The following NRG1 variants were observed in gnomAD, a reference collection of about 807,000 sequenced individuals.
NRG1 encodes the protein pro-neuregulin-1, membrane-bound isoform.
Under a neutral mutation model 63.8 loss-of-function variants are expected in NRG1, and 18 were observed. The observed-to-expected ratio is 0.28, with a 90% CI of 0.19 to 0.42. The LOEUF is 0.42. Ranked by LOEUF, NRG1 falls within the 10% of genes least tolerant of loss-of-function variation. The probability of loss-of-function intolerance (pLI) is 1.00; values close to 1 mark genes in which losing one functional copy is unlikely to be tolerated. For missense variants in NRG1, 762 were observed against 814.7 expected (o/e 0.94, Z 0.79); for synonymous variants, 302 against 301.3 (o/e 1.00, Z -0.02).
chr8:32,058,123 A>C (rs917818864), intron 1 of NRG1, among the ~76,000 whole-genome samples: 2 of 152,124 alleles, frequency 1.3e-5, no homozygotes, highest in African/African-American at 4.8e-5. Flanking sequence ...ATGTACAACT[A>C]TTAAGTATCA....
chr8:32,541,086 T>C (rs1832529299), intron 1 of NRG1, among the ~76,000 whole-genome samples: 1 of 152,108 alleles, frequency 6.6e-6, no homozygotes, highest in African/African-American at 2.4e-5. Context: ...CCCAAACATA[T>C]AGTGTGTTGA....
intron 1 of NRG1, among the ~76,000 whole-genome samples, chr8:32,251,152 C>CA (rs1209598484): frequency 3.3e-5 from 5 of 151,922 alleles, no homozygotes; most frequent in African/African-American, 1.2e-4. Context: ...TGGTTTGTTG[C>CA]ACCCATCAAC....
intron 1 of NRG1, among the ~76,000 whole-genome samples, chr8:32,312,569 G>A (rs1856942754): frequency 6.6e-6 from 1 of 151,964 alleles, no homozygotes; most frequent in African/African-American, 2.4e-5. Flanking sequence ...CCACAAGGGA[G>A]GTGAGGTTTG....
At chr8:31,839,389 C>A (rs1196435458) in intron 1 of NRG1, among the ~76,000 whole-genome samples, 2 of 152,030 alleles carry the variant, frequency 1.3e-5, no homozygotes, top group East Asian at 3.9e-4. Flanking sequence ...AAAATATTTT[C>A]TTCATTGTTA....
intron 1 of NRG1, among the ~76,000 whole-genome samples, chr8:32,575,506 A>C (rs1197016417): frequency 6.6e-6 from 1 of 152,086 alleles, no homozygotes. Flanking sequence ...TGAGTAAAGG[A>C]AAAGTTGTAT....
At chr8:32,288,031 T>G (rs745664741) in intron 1 of NRG1, among the ~76,000 whole-genome samples, 13 of 152,218 alleles carry the variant, frequency 8.5e-5, no homozygotes, top group Non-Finnish European at 1.9e-4. Context: ...TGGCTTGTGC[T>G]AATGTACTAG....
intron 1 of NRG1, among the ~76,000 whole-genome samples, chr8:32,581,532 C>T (rs960977733): frequency 1.3e-5 from 2 of 152,110 alleles, no homozygotes; most frequent in African/African-American, 4.8e-5. Context: ...ATAAAAGATG[C>T]ATTAAAAGAA....
intron 1 of NRG1, among the ~76,000 whole-genome samples, chr8:32,222,678 C>T (rs1845945335): frequency 6.6e-6 from 1 of 152,120 alleles, no homozygotes; most frequent in Admixed American, 6.5e-5. Context: ...TAATTTTTCC[C>T]CCACTGTCAC....
At chr8:31,852,552 T>C (rs1042194540) in intron 1 of NRG1, among the ~76,000 whole-genome samples, 17 of 151,856 alleles carry the variant, frequency 1.1e-4, no homozygotes, top group Non-Finnish European at 2.1e-4. Flanking sequence ...TCTCCCATTT[T>C]GTAGGTTGCC....
At chr8:32,006,286 G>T (rs1391794111) in intron 1 of NRG1, among the ~76,000 whole-genome samples, 1 of 151,998 alleles carries the variant, frequency 6.6e-6, no homozygotes, top group Non-Finnish European at 1.5e-5. Context: ...CTGGCCAAAA[G>T]GTCATTATTG....
intron 5 of NRG1, among the ~76,000 whole-genome samples, chr8:32,696,065 C>A: frequency 6.6e-6 from 1 of 152,216 alleles, no homozygotes; most frequent in East Asian, 1.9e-4. Flanking sequence ...CTCTTCCCCT[C>A]TTCACCCCCA....
At chr8:32,467,446 G>A (rs1048888424) in intron 1 of NRG1, among the ~76,000 whole-genome samples, 1 of 152,144 alleles carries the variant, frequency 6.6e-6, no homozygotes, top group African/African-American at 2.4e-5. Context: ...CATCTCCTGA[G>A]TTCTGCAATA....
intron 1 of NRG1, among the ~76,000 whole-genome samples, chr8:32,079,513 A>T (rs986760321): frequency 6.6e-6 from 1 of 152,200 alleles, no homozygotes; most frequent in African/African-American, 2.4e-5. Context: ...CAAGACACGA[A>T]TTCAAGTTTC....
In NRG1 at chr8:32,605,559, T is replaced by C. The variant is rs370666726; in HGVS notation, c.279-3T>C. The C allele has an allele frequency of 3.7e-5, 59 of 1,612,964 alleles. No homozygotes were observed. Among genetic ancestry groups the C allele is most frequent in the Non-Finnish European group, 4.5e-5 (53 of 1,179,306 alleles). On this transcript the variant is annotated splice_region_variant and splice_polypyrimidine_tract_variant and intron_variant, in intron 2 of 11. Coordinates refer to ENST00000356819, the Ensembl canonical transcript of NRG1. ...TGACACCACTTTGGTCCTGATCTTA[T>C]AGGAAGTCAGAACTTCGCATTAACA... is the stretch of plus-strand genomic sequence containing the variant.
At chr8:31,692,042 A>G (rs537459120) in intron 1 of NRG1, among the ~76,000 whole-genome samples, 1 of 152,278 alleles carries the variant, frequency 6.6e-6, no homozygotes, top group Admixed American at 6.5e-5. Context: ...TATGTTGCCC[A>G]GGCTGGTCTC....
chr8:31,721,986 G>T (rs867937703), intron 1 of NRG1, among the ~76,000 whole-genome samples: 2 of 151,966 alleles, frequency 1.3e-5, no homozygotes, highest in African/African-American at 2.4e-5. Context: ...TCAGGTTTCT[G>T]CACCTTCACT....
At chr8:32,750,531 TC>T (rs1409686591) in intron 7 of NRG1, among the ~76,000 whole-genome samples, 1 of 151,914 alleles carries the variant, frequency 6.6e-6, no homozygotes, top group Non-Finnish European at 1.5e-5. Context: ...GAATATCTGG[TC>T]CCCATCCAGC....
chr8:32,573,637 T>A (rs1839057053), intron 1 of NRG1, among the ~76,000 whole-genome samples: 2 of 152,052 alleles, frequency 1.3e-5, no homozygotes, highest in Non-Finnish European at 2.9e-5. Context: ...TCAAAGGCCT[T>A]TTTATTTTTA....
intron 5 of NRG1, among the ~76,000 whole-genome samples, chr8:32,642,477 C>G (rs991933711): frequency 6.6e-6 from 1 of 152,160 alleles, no homozygotes; most frequent in African/African-American, 2.4e-5. Flanking sequence ...GAGCTGAGAC[C>G]TAGCTGAGGG....
Sources: gnomAD v4.1 joint callset for allele counts (sites outside exome capture counted in the v4.1 genomes callset) on GRCh38, gnomAD v4.1.1 for gene constraint, MANE v1.5 for transcripts, NCBI Gene and HGNC (gene_info 2026-07-23, HGNC 2026-07-21) for gene names.